GNG12: variants seen among roughly 807,000 people sequenced by gnomAD.
GNG12 encodes the protein G protein subunit gamma 12, also known as guanine nucleotide-binding protein G(I)/G(S)/G(O) subunit gamma-12.
For missense variants in GNG12, 69 were observed against 83.8 expected (o/e 0.82, Z 0.69); for synonymous variants, 28 against 29.7 (o/e 0.94, Z 0.19).
intron 1 of GNG12, among the ~76,000 whole-genome samples, chr1:67,780,521 G>GTT (rs1646731671): frequency 6.6e-6 from 1 of 152,214 alleles, no homozygotes; most frequent in Non-Finnish European, 1.5e-5. Context: ...CCAGGACCTA[G>GTT]TAAGGTACTT....
intron 1 of GNG12, among the ~76,000 whole-genome samples, chr1:67,815,736 G>A (rs1022060971): frequency 6.6e-6 from 1 of 152,086 alleles, no homozygotes; most frequent in African/African-American, 2.4e-5. Context: ...GGGCTCAGAG[G>A]GCCGGCATGA....
At chr1:67,750,988 T>C (rs1326700181) in intron 2 of GNG12, among the ~76,000 whole-genome samples, 2 of 152,198 alleles carry the variant, frequency 1.3e-5, no homozygotes, top group Non-Finnish European at 2.9e-5. Context: ...TTATTTTTGC[T>C]CCTCATTAAA....
chr1:67,816,112 G>C (rs1016478750), intron 1 of GNG12, among the ~76,000 whole-genome samples: 3 of 152,204 alleles, frequency 2.0e-5, no homozygotes, highest in Non-Finnish European at 4.4e-5. Context: ...GAAGCTGCTA[G>C]AGCCTATTAT....
chr1:67,823,289 T>C (rs538689687), intron 1 of GNG12, among the ~76,000 whole-genome samples: 1 of 152,374 alleles, frequency 6.6e-6, no homozygotes, highest in Admixed American at 6.5e-5. Flanking sequence ...AATTCTAGGC[T>C]AGAAGATCAT....
rs1190025272 is a variant in GNG12 at position 67,766,104 on chromosome 1, A to ACG, written c.-27+11352_-27+11353dup. On this transcript the variant is annotated intron_variant, in intron 2 of 3. Coordinates refer to ENST00000370982, the MANE Select transcript of GNG12 (RefSeq NM_018841.6). Reference sequence around the variant, plus strand: ...AAAACTCAAACAAAACAAGGCACACACGCACACACACACACACACACACAC... The same window carrying ACG: ...AAAACTCAAACAAAACAAGGCACACACGCGCACACACACACACACACACACAC... Among the ~76,000 whole-genome samples the ACG allele has an allele frequency of 5.8e-4, 78 of 135,516 alleles. 1 individual carries two copies. The South Asian group carries it at 0.014, about 24-fold the overall frequency. The allele number at this position is 135,516 out of a possible 152,430, so 88.9% of individuals were successfully genotyped here. A position where few individuals can be genotyped will look rare whatever the true frequency, so the allele number is the denominator to read the frequency against.
intron 2 of GNG12, among the ~76,000 whole-genome samples, chr1:67,721,380 A>G (rs1646355361): frequency 6.6e-6 from 1 of 152,146 alleles, no homozygotes; most frequent in African/African-American, 2.4e-5. Context: ...ATCGCCTGGG[A>G]GCCCCTTAGA....
intron 2 of GNG12, among the ~76,000 whole-genome samples, chr1:67,759,207 A>T (rs1451053288): frequency 6.6e-6 from 1 of 152,250 alleles, no homozygotes; most frequent in Non-Finnish European, 1.5e-5. Flanking sequence ...GAAATCCAGC[A>T]CATGGAACAG....
chr1:67,804,616 T>C (rs1365601090), intron 1 of GNG12, among the ~76,000 whole-genome samples: 1 of 151,932 alleles, frequency 6.6e-6, no homozygotes, highest in Non-Finnish European at 1.5e-5. Flanking sequence ...TTGGATGCAG[T>C]AGAGAAGTAA....
chr1:67,820,178 C>G (rs2100820649), intron 1 of GNG12, among the ~76,000 whole-genome samples: 1 of 151,970 alleles, frequency 6.6e-6, no homozygotes, highest in Admixed American at 6.5e-5. Context: ...CATCTGAGGT[C>G]AGGAGTTCAA....
chr1:67,748,511 C>T (rs1440167708), intron 2 of GNG12, among the ~76,000 whole-genome samples: 1 of 152,170 alleles, frequency 6.6e-6, no homozygotes, highest in Non-Finnish European at 1.5e-5. Flanking sequence ...AAACAGAAAT[C>T]GTGCTTGGGG....
At chr1:67,711,128 A>G (rs1276058163) in intron 2 of GNG12, among the ~76,000 whole-genome samples, 1 of 152,246 alleles carries the variant, frequency 6.6e-6, no homozygotes. Context: ...TTTAGGAGAT[A>G]GGTAATTTTT....
At chr1:67,779,985 A>G (rs189521217) in intron 1 of GNG12, among the ~76,000 whole-genome samples, 38 of 152,314 alleles carry the variant, frequency 2.5e-4, no homozygotes, top group Non-Finnish European at 4.1e-4. Flanking sequence ...ACATGGTATT[A>G]TCATCTTTAA....
intron 1 of GNG12, among the ~76,000 whole-genome samples, chr1:67,821,344 A>C (rs1423390590): frequency 6.6e-6 from 1 of 151,842 alleles, no homozygotes; most frequent in Non-Finnish European, 1.5e-5. Flanking sequence ...AAAACAAAAA[A>C]AAACATCAGA....
intron 1 of GNG12, among the ~76,000 whole-genome samples, chr1:67,778,801 T>C (rs1449205343): frequency 2.0e-5 from 3 of 152,168 alleles, no homozygotes; most frequent in African/African-American, 7.2e-5. Flanking sequence ...CAGCTCAAAA[T>C]AAGATAATTA....
Position 67,703,680 on chromosome 1 carries a change from G to C in GNG12, c.*1771C>G, listed in dbSNP as rs1646228143. Reference sequence around the variant, plus strand: ...GAAAAAGCAGATGACACAAGGCTAAGGGCAGTGCCGTGATTTTCACATGGC... The same window carrying C: ...GAAAAAGCAGATGACACAAGGCTAACGGCAGTGCCGTGATTTTCACATGGC... On this transcript the variant is annotated 3_prime_UTR_variant, in exon 4 of 4. Coordinates refer to ENST00000370982, the MANE Select transcript of GNG12 (RefSeq NM_018841.6). 1 of 152,192 alleles carries C rather than the reference G, an allele frequency of 6.6e-6. No individual in the cohort carries two copies. The highest frequency in any genetic ancestry group is 2.4e-5 in the African/African-American group (1 of 41,450). 9.4% of individuals were successfully genotyped at this position (152,192 alleles called of 1,614,324 possible). A position where few individuals can be genotyped will look rare whatever the true frequency, so the allele number is the denominator to read the frequency against.
chr1:67,810,385 A>C (rs1436536659), intron 1 of GNG12, among the ~76,000 whole-genome samples: 1 of 152,192 alleles, frequency 6.6e-6, no homozygotes, highest in Non-Finnish European at 1.5e-5. Flanking sequence ...ACCAAGAGTG[A>C]ATCCTAATGT....
intron 2 of GNG12, among the ~76,000 whole-genome samples, chr1:67,765,544 G>A (rs1557609804): frequency 6.6e-6 from 1 of 152,112 alleles, no homozygotes; most frequent in Non-Finnish European, 1.5e-5. Context: ...GCTTAACAAA[G>A]GTGTTAGAAC....
intron 1 of GNG12, among the ~76,000 whole-genome samples, chr1:67,830,671 C>T (rs571541257): frequency 3.9e-5 from 6 of 152,326 alleles, no homozygotes; most frequent in Admixed American, 6.5e-5. Context: ...GTCAAAATTA[C>T]TATGCAACTG....
At chr1:67,821,984 T>A (rs1490666161) in intron 1 of GNG12, among the ~76,000 whole-genome samples, 1 of 150,800 alleles carries the variant, frequency 6.6e-6, no homozygotes, top group Non-Finnish European at 1.5e-5. Context: ...GTGTCCAATC[T>A]TTTGGCTTCC....
Sources: gnomAD v4.1 joint callset for allele counts (sites outside exome capture counted in the v4.1 genomes callset) on GRCh38, gnomAD v4.1.1 for gene constraint, MANE v1.5 for transcripts, NCBI Gene and HGNC (gene_info 2026-07-23, HGNC 2026-07-21) for gene names.